RBM26: variants seen among roughly 807,000 people sequenced by gnomAD.
RBM26 encodes the protein RNA-binding protein 26.
Under a neutral mutation model 123.6 loss-of-function variants are expected in RBM26, and 30 were observed. The observed-to-expected ratio is 0.24, with a 90% CI of 0.18 to 0.33. RBM26 has a LOEUF of 0.33. Ranked by LOEUF, RBM26 falls within the 10% of genes least tolerant of loss-of-function variation. The pLI is 1.00. For missense variants in RBM26, 947 were observed against 1,203.6 expected, an observed-to-expected ratio of 0.79 and a Z score of 3.15; for synonymous variants, 400 against 404.4, an observed-to-expected ratio of 0.99 and a Z score of 0.13.
intron 17 of RBM26, among the ~76,000 whole-genome samples, chr13:79,342,214 A>G (rs2071507600): frequency 6.6e-6 from 1 of 151,696 alleles, no homozygotes; most frequent in South Asian, 2.1e-4. Context: ...ACATTGTATA[A>G]CCCTGTTTTT....
intron 14 of RBM26, among the ~76,000 whole-genome samples, chr13:79,350,373 C>A (rs935697798): frequency 6.6e-6 from 1 of 152,130 alleles, no homozygotes; most frequent in Non-Finnish European, 1.5e-5. Flanking sequence ...ATAATTTGAA[C>A]GGTCTTAAGT....
At chr13:79,373,523 CTATA>C (rs1255657831) in intron 3 of RBM26, among the ~76,000 whole-genome samples, 1 of 22,922 alleles carries the variant, frequency 4.4e-5, no homozygotes, top group East Asian at 5.1e-4. Context: ...ATATATATTA[CTATA>C]TATATTTATA....
At chr13:79,379,130 T>C (rs2076873665) in intron 1 of RBM26, among the ~76,000 whole-genome samples, 2 of 152,142 alleles carry the variant, frequency 1.3e-5, no homozygotes, top group Admixed American at 1.3e-4. Context: ...ATCAGTATAT[T>C]AGTTTAAACA....
chr13:79,327,901 G>A (rs962595842), intron 20 of RBM26, among the ~76,000 whole-genome samples: 28 of 151,962 alleles, frequency 1.8e-4, no homozygotes, highest in South Asian at 1.5e-3. Context: ...ATTAACAAAC[G>A]TGCATGTGTA....
chr13:79,312,583 A>T (rs1593799069), exon 5 of RBM26: 2 of 152,024 alleles, frequency 1.3e-5, no homozygotes, highest in Admixed American at 6.6e-5. Context: ...AGTATTAGAA[A>T]AGTTTTTCAT....
chr13:79,364,729 T>C (rs990749914), intron 9 of RBM26, among the ~76,000 whole-genome samples: 2 of 147,650 alleles, frequency 1.4e-5, no homozygotes, highest in African/African-American at 2.7e-5. Context: ...CTGCCCTAGC[T>C]TGTGACTATG....
At chr13:79,335,142 T>A (rs1230107277) in intron 19 of RBM26, among the ~76,000 whole-genome samples, 2 of 151,664 alleles carry the variant, frequency 1.3e-5, no homozygotes, top group Non-Finnish European at 2.9e-5. Flanking sequence ...TTCCTAATTA[T>A]CCCCCCCAAA....
intron 15 of RBM26, 111 bp downstream of exon 15, chr13:79,344,558 G>T: frequency 2.0e-6 from 2 of 1,013,922 alleles, no homozygotes; most frequent in South Asian, 1.6e-5. Context: ...TTCAGTGGCA[G>T]CCAACAAACA....
At chr13:79,328,763 AAAAC>A (rs1295183302) in intron 20 of RBM26, among the ~76,000 whole-genome samples, 1 of 151,454 alleles carries the variant, frequency 6.6e-6, no homozygotes, top group African/African-American at 2.4e-5. Context: ...GATAGACATA[AAAAC>A]AAACAATAAA....
intron 3 of RBM26, among the ~76,000 whole-genome samples, chr13:79,372,249 C>A (rs2075969514): frequency 6.6e-6 from 1 of 152,150 alleles, no homozygotes; most frequent in Non-Finnish European, 1.5e-5. Context: ...AGTGCACACT[C>A]CAGCCTGGGC....
chr13:79,328,700 A>AAAAAAAAAAAC (rs1566309091), intron 20 of RBM26, among the ~76,000 whole-genome samples: 1 of 149,106 alleles, frequency 6.7e-6, no homozygotes, highest in Non-Finnish European at 1.5e-5. Context: ...AAAAAAAAAA[A>AAAAAAAAAAAC]AAAAAAAGAC....
chr13:79,365,911 A>G (rs2075218084), intron 8 of RBM26, 144 bp downstream of exon 8: 3 of 954,574 alleles, frequency 3.1e-6, no homozygotes, highest in Non-Finnish European at 4.7e-6. Flanking sequence ...TTCAAAACTG[A>G]GGGCTTATTT....
chr13:79,337,251 T>C lies in RBM26; in HGVS notation c.2584A>G (p.Arg862Gly), dbSNP rs2070596591. Residue 862 changes from arginine (R) to glycine (G), a missense_variant, in exon 19 of 22, where the codon AGA (arginine) becomes GGA (glycine). Arg to Gly is a moderately radical substitution (Grantham distance 125, BLOSUM62 -2). This residue lies in a region of RBM26 where 164 missense variants were observed against 215.3 expected (regional missense o/e 0.76). Transcript: ENST00000438737. Reference protein sequence around the residue: ...SSGRGRGIHSRGRGAVHGRGR... With the variant: ...SSGRGRGIHSGGRGAVHGRGR... ...CGGCCATGAACTGCACCTCGACCTC[T>C]TGAATGAATTCCTCTGCCCCGACCA... 6.2e-6 allele frequency: 10 copies of C among 1,614,162 alleles called. No individual in the cohort carries two copies. Among genetic ancestry groups the C allele is most frequent in the Middle Eastern group, 1.6e-4 (1 of 6,062 alleles).
chr13:79,362,278 T>C (rs1403187203), intron 9 of RBM26, among the ~76,000 whole-genome samples: 1 of 152,194 alleles, frequency 6.6e-6, no homozygotes, highest in Non-Finnish European at 1.5e-5. Flanking sequence ...CATCCACTTA[T>C]TACCCCTATT....
At chr13:79,400,819 GGTAA>G (rs1448210559) in intron 1 of RBM26, among the ~76,000 whole-genome samples, 1 of 152,058 alleles carries the variant, frequency 6.6e-6, no homozygotes, top group Non-Finnish European at 1.5e-5. Context: ...GTAACACTGA[GGTAA>G]GTAATTTTGG....
intron 19 of RBM26, among the ~76,000 whole-genome samples, chr13:79,336,664 G>A (rs563908845): frequency 2.6e-5 from 4 of 152,106 alleles, no homozygotes; most frequent in Non-Finnish European, 5.9e-5. Flanking sequence ...CACTGACGGA[G>A]GCAACTTCAA....
chr13:79,401,148 A>G (rs1003867538), intron 1 of RBM26, among the ~76,000 whole-genome samples: 6 of 152,216 alleles, frequency 3.9e-5, no homozygotes, highest in Non-Finnish European at 7.3e-5. Flanking sequence ...ACCCAAAAGA[A>G]TAACTCTTCC....
rs200814601 is a variant in RBM26 at position 79,355,194 on chromosome 13, T to C, written c.1854+26A>G. 1.2e-5 allele frequency: 20 copies of C among 1,608,082 alleles called. No individual in the cohort carries two copies. In the South Asian group the frequency reaches 1.9e-4, roughly 15 times the overall value. ...CTAAGAGCTTTCTAAGAAATGCGCG[T>C]ACTTTTACACAAATTCCTCTCTTAC... On this transcript the variant is annotated intron_variant, in intron 12 of 21. Coordinates refer to ENST00000438737, the MANE Select transcript of RBM26 (RefSeq NM_001366735.2).
chr13:79,388,923 G>A (rs1055416788), intron 1 of RBM26, among the ~76,000 whole-genome samples: 11 of 151,848 alleles, frequency 7.2e-5, no homozygotes, highest in African/African-American at 2.7e-4. Flanking sequence ...ACCTGTTATT[G>A]CATTTATAAC....
Sources: allele counts gnomAD v4.1 joint callset (sites outside exome capture counted in the v4.1 genomes callset), GRCh38; gene constraint gnomAD v4.1.1; regional missense constraint gnomAD v4.1.1; transcripts MANE v1.5; gene names NCBI Gene and HGNC (gene_info 2026-07-23, HGNC 2026-07-21).